BMP6: variants seen among roughly 807,000 people sequenced by gnomAD.
BMP6 encodes VG-1-R.
BMP6 carries 17 observed loss-of-function variants against 54.1 expected under a neutral mutation model. That is an observed-to-expected ratio of 0.31 (90% CI 0.22 to 0.47). The LOEUF is 0.47. BMP6 is among the 20% of genes least tolerant of loss of function. The pLI, the probability that BMP6 is intolerant of heterozygous loss-of-function variation, is 1.00. For missense variants in BMP6, 720 were observed against 690.4 expected (o/e 1.04, Z -0.48); for synonymous variants, 328 against 291.2 (o/e 1.13, Z -1.28).
intron 4 of BMP6, among the ~76,000 whole-genome samples, chr6:7,868,551 C>T (rs747469286): frequency 2.0e-5 from 3 of 152,218 alleles, no homozygotes; most frequent in Non-Finnish European, 4.4e-5. Flanking sequence ...GACAGAGGTG[C>T]CACTTTAACG....
chr6:7,872,531 A>G (rs1431827084), intron 4 of BMP6, among the ~76,000 whole-genome samples: 1 of 152,222 alleles, frequency 6.6e-6, no homozygotes, highest in Non-Finnish European at 1.5e-5. Flanking sequence ...TCCTTACTTA[A>G]TGACAAAAAT....
intron 1 of BMP6, among the ~76,000 whole-genome samples, chr6:7,813,086 CAAAAAAAA>C (rs61656035): frequency 4.6e-4 from 2 of 4,388 alleles, no homozygotes; most frequent in African/African-American, 1.3e-3. Flanking sequence ...CCTGTCTCTA[CAAAAAAAA>C]AAAAAAAAAA....
In BMP6 at chr6:7,845,301, A is replaced by G. The variant is rs775827022; in HGVS notation, c.826A>G (p.Ile276Val). 2.5e-6 allele frequency: 4 copies of G among 1,614,016 alleles called. No homozygotes were observed. The highest frequency in any genetic ancestry group is 2.7e-5 in the African/African-American group (2 of 74,928). Residue 276 changes from isoleucine (I) to valine (V), a missense_variant, in exon 2 of 7, where the codon ATT becomes GTT. Transcript: ENST00000283147. ...TAAAAACCAAACTTTTCTTATCAGCATTTATCAAGTCTTACAGGAGCATCA... is the reference window on the plus strand; with the variant it reads ...TAAAAACCAAACTTTTCTTATCAGCGTTTATCAAGTCTTACAGGAGCATCA... ...SFKNQTFLIS[I>V]YQVLQEHQHR... is the part of the protein sequence containing the mutation.
chr6:7,881,636 CTTGACAG>C lies in BMP6; in HGVS notation c.*1297_*1303del, dbSNP rs1017466802. Reference sequence around the variant, plus strand: ...AAGCTGAAGTTGTGTGTACAAGACTCTTGACAGTTGTGCTTCTCTAGGAGGTTGGGTT... The same window carrying C: ...AAGCTGAAGTTGTGTGTACAAGACTCTTGTGCTTCTCTAGGAGGTTGGGTT... On this transcript the variant is annotated 3_prime_UTR_variant, in exon 7 of 7. Coordinates refer to ENST00000283147, the MANE Select transcript of BMP6 (RefSeq NM_001718.6). 4.1e-5 allele frequency: 6 copies of C among 147,194 alleles called. No individual in the cohort carries two copies. The highest frequency in any genetic ancestry group is 5.9e-5 in the Non-Finnish European group (4 of 67,258). The allele number at this position is 147,194 out of a possible 1,614,324, so 9.1% of individuals were successfully genotyped here. A position where few individuals can be genotyped will look rare whatever the true frequency, so the allele number is the denominator to read the frequency against.
chr6:7,832,129 G>A lies in BMP6; in HGVS notation c.665-13011G>A, dbSNP rs117080558. Among the ~76,000 whole-genome samples, 49 of 152,216 alleles carry A rather than the reference G, an allele frequency of 3.2e-4. No individual in the cohort carries two copies. The East Asian group carries it at 9.1e-3, about 28-fold the overall frequency. The stretch of plus-strand genomic sequence containing the variant: ...ACCTTATAGAGGTCTAGAGTTGAGG[G>A]TACTAAAACTACCTGGGGGTGAGGT... On this transcript the variant is annotated intron_variant, in intron 1 of 6. Coordinates refer to ENST00000283147, the MANE Select transcript of BMP6 (RefSeq NM_001718.6).
intron 1 of BMP6, among the ~76,000 whole-genome samples, chr6:7,794,011 G>A (rs1352452716): frequency 6.6e-6 from 1 of 152,198 alleles, no homozygotes; most frequent in Non-Finnish European, 1.5e-5. Context: ...GGATCCACAG[G>A]CCTATCTGGG....
chr6:7,865,685 T>TA (rs1759410436), intron 4 of BMP6, among the ~76,000 whole-genome samples: 1 of 152,102 alleles, frequency 6.6e-6, no homozygotes, highest in Non-Finnish European at 1.5e-5. Flanking sequence ...GACATTACAG[T>TA]AACAGAAAAG....
At chr6:7,757,975 A>C (rs922178498) in intron 1 of BMP6, among the ~76,000 whole-genome samples, 1 of 152,174 alleles carries the variant, frequency 6.6e-6, no homozygotes, top group Non-Finnish European at 1.5e-5. Flanking sequence ...AAGTTTGTCT[A>C]TTTCAGAATC....
intron 1 of BMP6, among the ~76,000 whole-genome samples, chr6:7,771,352 T>G (rs1023462257): frequency 6.6e-5 from 10 of 152,224 alleles, no homozygotes; most frequent in African/African-American, 2.2e-4. Flanking sequence ...TCTACCGGCC[T>G]CTGCCTTGGT....
chr6:7,793,444 G>C (rs1225468304), intron 1 of BMP6, among the ~76,000 whole-genome samples: 6 of 152,198 alleles, frequency 3.9e-5, no homozygotes, highest in African/African-American at 7.2e-5. Flanking sequence ...TACAATGGTA[G>C]ATGCATGTCA....
chr6:7,869,265 C>T lies in BMP6; in HGVS notation c.1204+6767C>T, dbSNP rs909673727. 1.6e-3 allele frequency among the ~76,000 whole-genome samples: 251 copies of T among 152,372 alleles called. 2 individuals carry two copies. The highest frequency in any genetic ancestry group is 2.4e-4 in the Non-Finnish European group (16 of 68,042). Reference sequence around the variant, plus strand: ...ATGGGCCTCTCCTGGCCTCCAGTGCCAGGGAAGCCTGCCTGTCACTGGCCC... The same window carrying T: ...ATGGGCCTCTCCTGGCCTCCAGTGCTAGGGAAGCCTGCCTGTCACTGGCCC... On this transcript the variant is annotated intron_variant, in intron 4 of 6. Coordinates refer to ENST00000283147, the MANE Select transcript of BMP6 (RefSeq NM_001718.6).
At chr6:7,808,189 G>C (rs1042786204) in intron 1 of BMP6, among the ~76,000 whole-genome samples, 1 of 151,984 alleles carries the variant, frequency 6.6e-6, no homozygotes, top group Non-Finnish European at 1.5e-5. Flanking sequence ...CAAAGTGCTG[G>C]GATTACAGGC....
At chr6:7,734,285 G>A (rs1289224602) in intron 1 of BMP6, among the ~76,000 whole-genome samples, 1 of 152,206 alleles carries the variant, frequency 6.6e-6, no homozygotes, top group African/African-American at 2.4e-5. Context: ...AGAATTTAGA[G>A]CTTGAAAAGT....
chr6:7,861,403 A>T (rs1425020107), intron 2 of BMP6, 48 bp from the exon 3 acceptor site: 2 of 1,600,374 alleles, frequency 1.2e-6, no homozygotes, highest in African/African-American at 2.7e-5. Flanking sequence ...AGTGGGAAGG[A>T]GCTTCAGGCA....
chr6:7,786,013 G>C (rs1443398479), intron 1 of BMP6, among the ~76,000 whole-genome samples: 3 of 152,190 alleles, frequency 2.0e-5, no homozygotes, highest in Non-Finnish European at 4.4e-5. Context: ...CTTTGCCCTT[G>C]TATTAACGAA....
At chr6:7,808,114 G>T (rs2057372) in intron 1 of BMP6, among the ~76,000 whole-genome samples, 89,667 of 151,386 alleles carry the variant, frequency 0.59, 26,967 homozygotes, top group Non-Finnish European at 0.66. Context: ...TAGAGATGGG[G>T]TTTCACCGTG....
At chr6:7,861,907 G>A (rs995904874) in intron 3 of BMP6, among the ~76,000 whole-genome samples, 3 of 152,196 alleles carry the variant, frequency 2.0e-5, no homozygotes, top group Admixed American at 2.0e-4. Flanking sequence ...TAAGAGAGAG[G>A]CAGGCGCATC....
chr6:7,835,913 T>G (rs922382614), intron 1 of BMP6, among the ~76,000 whole-genome samples: 14 of 152,090 alleles, frequency 9.2e-5, no homozygotes, highest in Admixed American at 3.9e-4. Context: ...CTCGGCTCCC[T>G]GCAACCTCTG....
At chr6:7,851,660 G>T (rs968610936) in intron 2 of BMP6, among the ~76,000 whole-genome samples, 1 of 152,058 alleles carries the variant, frequency 6.6e-6, no homozygotes, top group Non-Finnish European at 1.5e-5. Context: ...CTCAGGTAAA[G>T]ATTTAATATT....
Sources: allele counts gnomAD v4.1 joint callset (sites outside exome capture counted in the v4.1 genomes callset), GRCh38; gene constraint gnomAD v4.1.1; transcripts MANE v1.5; gene names NCBI Gene and HGNC (gene_info 2026-07-23, HGNC 2026-07-21).